Variants in ENTREP2 observed in about 807,000 individuals in gnomAD.
ENTREP2 encodes endosomal transmembrane epsin interactor 2, also known as protein ENTREP2.
the ENTREP2 span, among the ~76,000 whole-genome samples, chr15:29,202,132 C>T: frequency 6.6e-6 from 1 of 152,110 alleles, no homozygotes; most frequent in Admixed American, 6.5e-5. Context: ...GGTTTCTTCC[C>T]AGACATTGGG....
the ENTREP2 span, among the ~76,000 whole-genome samples, chr15:29,202,467 T>TA: frequency 6.6e-6 from 1 of 152,150 alleles, no homozygotes; most frequent in South Asian, 2.1e-4. Flanking sequence ...ACCTCCCATT[T>TA]TAAAAATTTT....
At chr15:29,122,288 C>A in the ENTREP2 span, 1 of 152,188 alleles carries the variant, frequency 6.6e-6, no homozygotes, top group African/African-American at 2.4e-5. Context: ...TGTCCCCAAG[C>A]TGGGCGTGTC....
chr15:29,400,742 T>C, the ENTREP2 span, among the ~76,000 whole-genome samples: 7 of 152,264 alleles, frequency 4.6e-5, no homozygotes, highest in African/African-American at 1.4e-4. Flanking sequence ...TATACGTTTA[T>C]GGCTAAAAAA....
the ENTREP2 span, among the ~76,000 whole-genome samples, chr15:29,554,909 T>A: frequency 4.7e-4 from 72 of 152,328 alleles, no homozygotes; most frequent in African/African-American, 1.7e-3. Flanking sequence ...TAGCAATACT[T>A]CCAAGTATGT....
At chr15:29,499,299 C>T in the ENTREP2 span, among the ~76,000 whole-genome samples, 7,269 of 130,842 alleles carry the variant, frequency 0.056, 547 homozygotes, top group African/African-American at 0.22. Context: ...TTCATCTTTT[C>T]TGTATCTACT....
At chr15:29,460,920 A>T in the ENTREP2 span, among the ~76,000 whole-genome samples, 1 of 152,200 alleles carries the variant, frequency 6.6e-6, no homozygotes, top group Non-Finnish European at 1.5e-5. Flanking sequence ...AAGAAAAGTG[A>T]TTCAGCTTTA....
chr15:29,444,172 A>G, the ENTREP2 span, among the ~76,000 whole-genome samples: 12,042 of 31,852 alleles, frequency 0.38, 1,674 homozygotes, highest in Admixed American at 0.42. Context: ...AAGACAGACA[A>G]AGAAAGAAAG....
At chr15:29,127,166 T>C in the ENTREP2 span, among the ~76,000 whole-genome samples, 1 of 152,298 alleles carries the variant, frequency 6.6e-6, no homozygotes, top group South Asian at 2.1e-4. Context: ...ACCGGGATGC[T>C]GGTCAGGGCT....
the ENTREP2 span, among the ~76,000 whole-genome samples, chr15:29,207,082 C>T: frequency 6.6e-6 from 1 of 152,136 alleles, no homozygotes; most frequent in African/African-American, 2.4e-5. Flanking sequence ...GCAGCAGTGC[C>T]CTCAGCCAGC....
At chr15:29,480,338 CAAAAAAA>C in the ENTREP2 span, among the ~76,000 whole-genome samples, 19 of 29,430 alleles carry the variant, frequency 6.5e-4, no homozygotes, top group East Asian at 1.8e-3. Context: ...TTCACTATAG[CAAAAAAA>C]AAAAAAAAAA....
chr15:29,340,274 C>T, the ENTREP2 span, among the ~76,000 whole-genome samples: 2 of 152,102 alleles, frequency 1.3e-5, no homozygotes, highest in African/African-American at 4.8e-5. Context: ...CTGAAGTTGG[C>T]CCAGTTTAGG....
the ENTREP2 span, among the ~76,000 whole-genome samples, chr15:29,489,942 A>T: frequency 6.6e-6 from 1 of 152,382 alleles, no homozygotes; most frequent in Admixed American, 6.5e-5. Context: ...TTCAAGCATC[A>T]AAATGTTTTA....
the ENTREP2 span, among the ~76,000 whole-genome samples, chr15:29,273,669 A>G: frequency 6.6e-6 from 1 of 152,330 alleles, no homozygotes; most frequent in South Asian, 2.1e-4. Context: ...GGTGGGCACC[A>G]TCTAATCAGC....
chr15:29,158,919 T>G, the ENTREP2 span, among the ~76,000 whole-genome samples: 4 of 152,320 alleles, frequency 2.6e-5, no homozygotes, highest in African/African-American at 9.6e-5. Context: ...TTTGAAAATC[T>G]CTCCAGTCTA....
At chr15:29,410,199 T>C in the ENTREP2 span, among the ~76,000 whole-genome samples, 1 of 152,224 alleles carries the variant, frequency 6.6e-6, no homozygotes, top group Admixed American at 6.5e-5. Context: ...GAATTTGCAT[T>C]GATAATTTCC....
At chr15:29,448,695 G>A in the ENTREP2 span, among the ~76,000 whole-genome samples, 1 of 152,162 alleles carries the variant, frequency 6.6e-6, no homozygotes, top group East Asian at 1.9e-4. Context: ...CAGTTCACAT[G>A]CAAGAGCTTT....
chr15:29,325,561 T>A, the ENTREP2 span, among the ~76,000 whole-genome samples: 1 of 152,100 alleles, frequency 6.6e-6, no homozygotes, highest in Non-Finnish European at 1.5e-5. Context: ...GAGAACTAGA[T>A]CGTCTGAACA....
chr15:29,354,477 G>A, the ENTREP2 span, among the ~76,000 whole-genome samples: 1 of 152,118 alleles, frequency 6.6e-6, no homozygotes, highest in Admixed American at 6.5e-5. Context: ...ATACATATGT[G>A]TACACACATT....
At chr15:29,588,731 C>A in the ENTREP2 span, among the ~76,000 whole-genome samples, 2 of 152,108 alleles carry the variant, frequency 1.3e-5, no homozygotes, top group Non-Finnish European at 2.9e-5. Flanking sequence ...GGGGCTGTGA[C>A]TCATGTCTGT....
Sources: gnomAD v4.1 joint callset for allele counts (sites outside exome capture counted in the v4.1 genomes callset) on GRCh38, gnomAD v4.1.1 for gene constraint, MANE v1.5 for transcripts, NCBI Gene and HGNC (gene_info 2026-07-23, HGNC 2026-07-21) for gene names.